Variants in PAK1 observed in about 807,000 individuals in gnomAD.
The protein encoded by PAK1 is serine/threonine-protein kinase PAK 1.
A neutral mutation model predicts 67.4 loss-of-function variants in PAK1; 29 were observed. The ratio of observed to expected loss-of-function variants is 0.43; its 90% CI spans 0.32 to 0.59. The LOEUF is 0.59. Ranked by LOEUF, PAK1 falls within the 20% of genes least tolerant of loss-of-function variation. PAK1 has a pLI of 0.07. For synonymous variants in PAK1, 223 were observed against 237.4 expected (o/e 0.94, Z 0.56); for missense variants, 337 against 670.7 (o/e 0.50, Z 5.50).
intron 13 of PAK1, among the ~76,000 whole-genome samples, chr11:77,335,387 T>A (rs902558898): frequency 6.6e-6 from 1 of 152,150 alleles, no homozygotes; most frequent in Non-Finnish European, 1.5e-5. Context: ...CAAAACCAAC[T>A]CTTTATTACC....
At chr11:77,397,048 G>C (rs975515515) in intron 1 of PAK1, 1 of 152,214 alleles carries the variant, frequency 6.6e-6, no homozygotes, top group Non-Finnish European at 1.5e-5. Flanking sequence ...AATAGTCTCT[G>C]TAGACCAAAA....
At position 77,447,509 on chromosome 11, in the gene PAK1, T is replaced by C. The variant is rs556534444; in HGVS notation, c.-22+26043A>G. Among the ~76,000 whole-genome samples, 64 of 152,270 alleles carry C rather than the reference T, an allele frequency of 4.2e-4. 1 individual carries two copies. Among genetic ancestry groups the C allele is most frequent in the East Asian group, 5.8e-4 (3 of 5,190 alleles). ...ACATGTCCAAAGGTAGGTGTTGTTA[T>C]ATCTGCTAACAAGATGAAACAGATT... On this transcript the variant is annotated intron_variant, in intron 1 of 14. Coordinates refer to ENST00000356341, the MANE Select transcript of PAK1 (RefSeq NM_002576.5).
At chr11:77,446,310 G>A (rs1166647947) in intron 1 of PAK1, among the ~76,000 whole-genome samples, 1 of 151,994 alleles carries the variant, frequency 6.6e-6, no homozygotes, top group East Asian at 1.9e-4. Flanking sequence ...CCAGGAGTTC[G>A]AGACCAGCCT....
rs547674701 is a variant in PAK1, at chr11:77,415,591, A to G, written c.-21-23050T>C. On this transcript the variant is annotated intron_variant, in intron 1 of 14. Coordinates refer to ENST00000356341, the MANE Select transcript of PAK1 (RefSeq NM_002576.5). ...AAACATATATAAACATAGAAAAAGT[A>G]CAGTAAAAATACGCCATAAAAGATT... 2.6e-5 allele frequency among the ~76,000 whole-genome samples: 4 copies of G among 152,314 alleles called. No homozygotes were observed. In the South Asian group the frequency reaches 8.3e-4, roughly 32 times the overall value.
At chr11:77,397,467 G>A (rs1318733820) in intron 1 of PAK1, among the ~76,000 whole-genome samples, 1 of 152,170 alleles carries the variant, frequency 6.6e-6, no homozygotes, top group Non-Finnish European at 1.5e-5. Flanking sequence ...GATGTTTCTC[G>A]CTATGCAGTC....
At chr11:77,462,968 GAA>G (rs111437533) in intron 1 of PAK1, among the ~76,000 whole-genome samples, 1 of 34,010 alleles carries the variant, frequency 2.9e-5, no homozygotes, top group Non-Finnish European at 6.4e-5. Flanking sequence ...ACAACAGTGA[GAA>G]AAAAAAAAAA....
chr11:77,421,242 T>C (rs1236877326), intron 1 of PAK1, among the ~76,000 whole-genome samples: 3 of 152,212 alleles, frequency 2.0e-5, no homozygotes, highest in African/African-American at 7.2e-5. Context: ...CGACAGGCTA[T>C]ATACACTCTC....
At chr11:77,453,054 G>A (rs1367435178) in intron 1 of PAK1, among the ~76,000 whole-genome samples, 3 of 152,022 alleles carry the variant, frequency 2.0e-5, no homozygotes, top group Non-Finnish European at 2.9e-5. Context: ...GGAAGAAGTG[G>A]GATATATAAG....
intron 6 of PAK1, chr11:77,356,433 G>GATTT (rs1946049624): frequency 6.6e-6 from 1 of 152,222 alleles, no homozygotes; most frequent in Non-Finnish European, 1.5e-5. Context: ...AGAGGTAGTA[G>GATTT]AGTGTGATGA....
chr11:77,497,108 A>G, the PAK1 span, among the ~76,000 whole-genome samples: 1 of 152,182 alleles, frequency 6.6e-6, no homozygotes, highest in East Asian at 1.9e-4. Context: ...GTCCCACTGT[A>G]TAGAGGAGCA....
At chr11:77,508,014 G>C in the PAK1 span, among the ~76,000 whole-genome samples, 1 of 152,028 alleles carries the variant, frequency 6.6e-6, no homozygotes, top group African/African-American at 2.4e-5. Flanking sequence ...TCTCCCCACC[G>C]GGATAAGCAT....
At chr11:77,364,493 A>G (rs1319307835) in intron 5 of PAK1, among the ~76,000 whole-genome samples, 10 of 152,364 alleles carry the variant, frequency 6.6e-5, no homozygotes, top group South Asian at 2.1e-4. Flanking sequence ...AATGACATCA[A>G]TGACCACAGA....
chr11:77,377,100 GAACT>G (rs1351225180), intron 4 of PAK1, among the ~76,000 whole-genome samples: 2 of 152,050 alleles, frequency 1.3e-5, no homozygotes, highest in Non-Finnish European at 2.9e-5. Flanking sequence ...CCAACATGGT[GAACT>G]GTCTCTATTA....
chr11:77,459,741 G>A (rs560785234), intron 1 of PAK1, among the ~76,000 whole-genome samples: 3 of 143,224 alleles, frequency 2.1e-5, no homozygotes, highest in Non-Finnish European at 3.0e-5. Flanking sequence ...CACCCAGGCC[G>A]GACTGCAGTG....
At chr11:77,451,703 C>T (rs1476053628) in intron 1 of PAK1, among the ~76,000 whole-genome samples, 1 of 148,830 alleles carries the variant, frequency 6.7e-6, no homozygotes, top group South Asian at 2.1e-4. Flanking sequence ...GGGTTCATGC[C>T]ATTCTCCTGC....
the PAK1 span, among the ~76,000 whole-genome samples, chr11:77,511,048 C>T: frequency 6.6e-6 from 1 of 152,126 alleles, no homozygotes; most frequent in African/African-American, 2.4e-5. Flanking sequence ...TTACTGAAAG[C>T]TTTTTTTCAT....
chr11:77,490,285 G>A, the PAK1 span, among the ~76,000 whole-genome samples: 3 of 149,550 alleles, frequency 2.0e-5, no homozygotes, highest in Non-Finnish European at 1.5e-5. Flanking sequence ...GGGAGGTGGG[G>A]GTCAGCCCCC....
chr11:77,459,991 C>A (rs924508348), intron 1 of PAK1, among the ~76,000 whole-genome samples: 1 of 151,654 alleles, frequency 6.6e-6, no homozygotes, highest in South Asian at 2.1e-4. Context: ...CCACCGCGCC[C>A]GGCGTGGGGC....
At chr11:77,509,427 A>C in the PAK1 span, among the ~76,000 whole-genome samples, 3 of 152,226 alleles carry the variant, frequency 2.0e-5, no homozygotes, top group Non-Finnish European at 4.4e-5. Context: ...ATAAACAAAC[A>C]CTGGGCTGTT....
Sources: allele counts gnomAD v4.1 joint callset (sites outside exome capture counted in the v4.1 genomes callset), GRCh38; gene constraint gnomAD v4.1.1; transcripts MANE v1.5; gene names NCBI Gene and HGNC (gene_info 2026-07-23, HGNC 2026-07-21).